The following NEMP2 variants were observed in gnomAD, a reference collection of about 807,000 sequenced individuals.
NEMP2 encodes the protein UPF0571 transmembrane protein.
In NEMP2, 53 loss-of-function variants were observed where a neutral mutation model predicts 54.2. That is an observed-to-expected ratio of 0.98 (90% CI 0.78 to 1.23). NEMP2 has a LOEUF of 1.23. NEMP2 is among the 50% of genes most tolerant of loss of function. The pLI is 0.00. For missense variants in NEMP2, 455 were observed against 511.3 expected (o/e 0.89, Z 1.06); for synonymous variants, 197 against 190.3 (o/e 1.04, Z -0.29).
At chr2:190,625,325 A>G in the NEMP2 span, 1 of 152,240 alleles carries the variant, frequency 6.6e-6, no homozygotes, top group African/African-American at 2.4e-5. Context: ...AATCCACATA[A>G]TGTATGATTC....
chr2:190,449,506 A>G, the NEMP2 span, among the ~76,000 whole-genome samples: 1 of 152,156 alleles, frequency 6.6e-6, no homozygotes, highest in Non-Finnish European at 1.5e-5. Flanking sequence ...ACTGTGTCCA[A>G]CAACTTTGAT....
At chr2:190,588,848 T>A in the NEMP2 span, among the ~76,000 whole-genome samples, 1 of 152,148 alleles carries the variant, frequency 6.6e-6, no homozygotes. The surrounding 1 kb of genome is among the most constrained non-coding windows in gnomAD (Gnocchi z 5.0). Flanking sequence ...CTGACAAAAT[T>A]CACGGGCCTG....
chr2:190,489,681 C>T, the NEMP2 span: 5 of 1,271,766 alleles, frequency 3.9e-6, no homozygotes, highest in East Asian at 1.2e-4. This position sits in a 1 kb window ranked among gnomAD's most constrained non-coding sequence, Gnocchi z 6.6. Flanking sequence ...GCTTCCTTTG[C>T]TTTGATCTTT....
chr2:190,548,523 C>T, the NEMP2 span, among the ~76,000 whole-genome samples: 37 of 152,202 alleles, frequency 2.4e-4, no homozygotes, highest in Non-Finnish European at 4.6e-4. Flanking sequence ...TTCACTGTTT[C>T]ACCTGATTCT....
chr2:190,577,974 C>T, the NEMP2 span, among the ~76,000 whole-genome samples: 1 of 152,188 alleles, frequency 6.6e-6, no homozygotes, highest in South Asian at 2.1e-4. This position sits in a 1 kb window ranked among gnomAD's most constrained non-coding sequence, Gnocchi z 4.8. Context: ...TTTATTGATA[C>T]AGCATTTTTT....
chr2:190,536,144 C>T (rs1425672762), upstream of NEMP2, among the ~76,000 whole-genome samples: 2 of 152,180 alleles, frequency 1.3e-5, no homozygotes, highest in Non-Finnish European at 2.9e-5. Flanking sequence ...ACATTTTTCT[C>T]TATAAGCAAT....
chr2:190,508,894 G>GC lies in NEMP2; in HGVS notation c.*294dup. 1 of 362,046 alleles carries GC rather than the reference G, an allele frequency of 2.8e-6. No individual in the cohort carries two copies. Among genetic ancestry groups the GC allele is most frequent in the Admixed American group, 4.2e-5 (1 of 23,766 alleles). The allele number at this position is 362,046 out of a possible 1,614,324, so 22.4% of individuals were successfully genotyped here. A position where few individuals can be genotyped will look rare whatever the true frequency, so the allele number is the denominator to read the frequency against. ...ACAAAGCACCTGTTCATGCTTACTA[G>GC]CCCCTTAAGAACAACGCCATTCCCC... On this transcript the variant is annotated 3_prime_UTR_variant, in exon 9 of 9. Coordinates refer to ENST00000409150, the MANE Select transcript of NEMP2 (RefSeq NM_001142645.2). The surrounding 1 kb of genome is among the most constrained non-coding windows in gnomAD (Gnocchi z 4.3).
the NEMP2 span, among the ~76,000 whole-genome samples, chr2:190,482,300 A>C: frequency 2.6e-5 from 4 of 152,220 alleles, no homozygotes. Flanking sequence ...AAGATTTCCA[A>C]TATAGACTTT....
At chr2:190,578,431 G>T in the NEMP2 span, among the ~76,000 whole-genome samples, 1 of 152,182 alleles carries the variant, frequency 6.6e-6, no homozygotes, top group Non-Finnish European at 1.5e-5. The surrounding 1 kb of genome is among the most constrained non-coding windows in gnomAD (Gnocchi z 4.4). Flanking sequence ...GATTACAAAT[G>T]TGCAGAACAA....
chr2:190,595,414 T>G, the NEMP2 span, among the ~76,000 whole-genome samples: 3 of 151,806 alleles, frequency 2.0e-5, no homozygotes, highest in Non-Finnish European at 4.4e-5. This position sits in a 1 kb window ranked among gnomAD's most constrained non-coding sequence, Gnocchi z 4.0. Flanking sequence ...GGGATCTAAT[T>G]AAACTAAAGA....
chr2:190,541,256 T>TG, the NEMP2 span, among the ~76,000 whole-genome samples: 3 of 152,142 alleles, frequency 2.0e-5, no homozygotes, highest in South Asian at 2.1e-4. This position sits in a 1 kb window ranked among gnomAD's most constrained non-coding sequence, Gnocchi z 5.2. Context: ...TCTACTAATT[T>TG]GGGGTTTGGT....
Position 190,534,678 on chromosome 2 carries a change from C to T in NEMP2, c.-23G>A, listed in dbSNP as rs1691304980. On this transcript the variant is annotated 5_prime_UTR_variant, in exon 1 of 9. Coordinates refer to ENST00000409150, the MANE Select transcript of NEMP2 (RefSeq NM_001142645.2). ...CATTTCGTTAGGGGTCAGCTCCGTG[C>T]GACCCGAGCCCTAGGGGACCGGCTC... The T allele has an allele frequency of 2.4e-6, 3 of 1,255,810 alleles. No homozygotes were observed. Among genetic ancestry groups the T allele is most frequent in the African/African-American group, 1.6e-5 (1 of 64,386 alleles). 77.8% of individuals were successfully genotyped at this position (1,255,810 alleles called of 1,614,324 possible). A position where few individuals can be genotyped will look rare whatever the true frequency, so the allele number is the denominator to read the frequency against.
the NEMP2 span, among the ~76,000 whole-genome samples, chr2:190,496,533 A>G: frequency 6.6e-6 from 1 of 152,210 alleles, no homozygotes; most frequent in African/African-American, 2.4e-5. The surrounding 1 kb of genome is among the most constrained non-coding windows in gnomAD (Gnocchi z 4.7). Flanking sequence ...TTGTACATGC[A>G]TGTTTATAGC....
chr2:190,562,980 C>A, the NEMP2 span, among the ~76,000 whole-genome samples: 23,744 of 152,170 alleles, frequency 0.16, 1,964 homozygotes, highest in East Asian at 0.29. This position sits in a 1 kb window ranked among gnomAD's most constrained non-coding sequence, Gnocchi z 5.0. Flanking sequence ...GCAGGTTCTC[C>A]TCCAGTGATC....
At chr2:190,620,208 T>C in the NEMP2 span, 387 of 152,304 alleles carry the variant, frequency 2.5e-3, 4 homozygotes, top group African/African-American at 9.0e-3. The surrounding 1 kb of genome is among the most constrained non-coding windows in gnomAD (Gnocchi z 4.9). Context: ...CTGCTGTCTA[T>C]TTTATATAAC....
At chr2:190,599,042 A>C in the NEMP2 span, among the ~76,000 whole-genome samples, 1 of 152,190 alleles carries the variant, frequency 6.6e-6, no homozygotes, top group Non-Finnish European at 1.5e-5. Flanking sequence ...AGTATGGGCC[A>C]GGACTTGTGC....
rs1691009654 is a variant in NEMP2 at position 190,528,201 on chromosome 2, C to T, written c.98-2823G>A. ...GGGGGAAGTGCAGTCCCAGGGATAT[C>T]AAAGGGCTGGCAGCTACCTATAGAA... On this transcript the variant is annotated intron_variant, in intron 1 of 8. Transcript: ENST00000409150. This position sits in a 1 kb window ranked among gnomAD's most constrained non-coding sequence, Gnocchi z 4.3. 6.6e-6 allele frequency among the ~76,000 whole-genome samples: 1 copy of T among 152,134 alleles called. No homozygotes were observed. The highest frequency in any genetic ancestry group is 1.5e-5 in the Non-Finnish European group (1 of 68,016).
At chr2:190,634,633 T>C in the NEMP2 span, among the ~76,000 whole-genome samples, 1 of 152,194 alleles carries the variant, frequency 6.6e-6, no homozygotes, top group Non-Finnish European at 1.5e-5. This position sits in a 1 kb window ranked among gnomAD's most constrained non-coding sequence, Gnocchi z 6.8. Flanking sequence ...TGAAGATACT[T>C]AAGGCATATC....
the NEMP2 span, chr2:190,444,744 G>A: frequency 6.5e-5 from 12 of 184,584 alleles, no homozygotes; most frequent in Non-Finnish European, 1.2e-4. Context: ...ATATCATCTT[G>A]TGTAACTTTA....
Sources: allele counts gnomAD v4.1 joint callset (sites outside exome capture counted in the v4.1 genomes callset), GRCh38; gene constraint gnomAD v4.1.1; non-coding constraint Gnocchi (gnomAD v3.1); transcripts MANE v1.5; gene names NCBI Gene and HGNC (gene_info 2026-07-23, HGNC 2026-07-21).